The following TTC22 variants were observed in gnomAD, a reference collection of about 807,000 sequenced individuals.
TTC22 encodes the protein tetratricopeptide repeat protein 22.
In TTC22, 42 loss-of-function variants were observed where a neutral mutation model predicts 48.2. The observed-to-expected ratio is 0.87, with a 90% CI of 0.68 to 1.13. TTC22 has a LOEUF of 1.13. Among genes scored for constraint, TTC22 ranks in the 50% most tolerant of loss-of-function variants. The pLI, the probability that TTC22 is intolerant of heterozygous loss-of-function variation, is 0.00. For missense variants in TTC22, 784 were observed against 807.0 expected (o/e 0.97, Z 0.34); for synonymous variants, 345 against 365.5 (o/e 0.94, Z 0.64).
At position 54,781,451 on chromosome 1, in the gene TTC22, A is replaced by T. The variant is rs1342199607; in HGVS notation, c.1502T>A (p.Leu501Gln). The change falls in exon 7 of 7, where the codon CTG becomes CAG. Residue 501 changes from leucine (L) to glutamine (Q), a missense_variant. Physicochemically the swap from Leu to Gln is moderately radical, Grantham distance 113. Transcript: ENST00000371276. ...GELGREVDAW[L>Q]RRAQDKYPAA... Reference sequence around the variant, plus strand: ...GGGGTACTTGTCCTGGGCGCGGCGCAGCCAGGCGTCCACCTCGCGGCCCAG... The same window carrying T: ...GGGGTACTTGTCCTGGGCGCGGCGCTGCCAGGCGTCCACCTCGCGGCCCAG... 13 of 1,450,184 alleles carry T rather than the reference A, an allele frequency of 9.0e-6. No homozygotes were observed. The highest frequency in any genetic ancestry group is 1.1e-5 in the Non-Finnish European group (12 of 1,111,662). 89.8% of individuals were successfully genotyped at this position (1,450,184 alleles called of 1,614,324 possible).
In TTC22 at chr1:54,781,549, G is replaced by A; in HGVS notation, c.1404C>T (p.His468=). The change falls in exon 7 of 7, where the codon CAC becomes CAT. Residue 468 remains histidine, a synonymous_variant. Transcript: ENST00000371276. The part of the protein sequence containing the change: ...AVELDDAGSS[H]TDGFGCLLEA... ...CGAGCAGGCAGCCGAAGCCGTCGGT[G>A]TGGCTGGAGCCCGCGTCGTCCAGCT... The A allele has an allele frequency of 6.6e-7, 1 of 1,518,194 alleles. No homozygotes were observed. The highest frequency in any genetic ancestry group is 8.8e-7 in the Non-Finnish European group (1 of 1,140,166). 94.0% of individuals were successfully genotyped at this position (1,518,194 alleles called of 1,614,324 possible). A position where few individuals can be genotyped will look rare whatever the true frequency, so the allele number is the denominator to read the frequency against.
chr1:54,799,059 G>A (rs1482494262), intron 1 of TTC22, among the ~76,000 whole-genome samples: 5 of 152,212 alleles, frequency 3.3e-5, no homozygotes, highest in Non-Finnish European at 7.3e-5. Flanking sequence ...CTAATCCTCA[G>A]ATGATAAATA....
In TTC22 at chr1:54,800,633, G is replaced by A. The variant is rs149315920; in HGVS notation, c.531C>T (p.Ile177=). ...EERARGLAAG[I]ALYDKALGYG... ...AGCCTAGCGCCTTGTCGTAGAGCGCGATGCCTGCCGCCAGCCCCCGCGCAC... is the reference window on the plus strand; with the variant it reads ...AGCCTAGCGCCTTGTCGTAGAGCGCAATGCCTGCCGCCAGCCCCCGCGCAC... The change falls in exon 1 of 7, where the codon ATC becomes ATT. Residue 177 remains isoleucine (I), a synonymous_variant. Transcript: ENST00000371276. 1.3e-3 allele frequency: 2,096 copies of A among 1,552,902 alleles called. 7 individuals are homozygous for A. In the African/African-American group the frequency reaches 0.016, roughly 12 times the overall value.
chr1:54,781,650 G>GCAGCTCGGGCAGCGTGGCACC lies in TTC22; in HGVS notation c.1282_1302dup (p.Gly428_Leu434dup), dbSNP rs1270416038. The GCAGCTCGGGCAGCGTGGCACC allele has an allele frequency of 3.3e-6, 5 of 1,530,408 alleles. No individual in the cohort carries two copies. In the African/African-American group the frequency reaches 6.9e-5, roughly 21 times the overall value. 94.8% of individuals were successfully genotyped at this position (1,530,408 alleles called of 1,614,324 possible). A position where few individuals can be genotyped will look rare whatever the true frequency, so the allele number is the denominator to read the frequency against. ...CGCAGGCACTTGCCGCGCAGCAGCT[G>GCAGCTCGGGCAGCGTGGCACC]CAGCTCGGGCAGCGTGGCACCCAGC... is the stretch of plus-strand genomic sequence containing the variant. On this transcript the variant is annotated inframe_insertion, in exon 7 of 7. Transcript: ENST00000371276.
Position 54,781,585 on chromosome 1 carries a change from CT to C in TTC22, c.1367del (p.Lys456SerfsTer33). The C allele has an allele frequency of 6.6e-7, 1 of 1,524,200 alleles. No homozygotes were observed. Among genetic ancestry groups the C allele is most frequent in the Non-Finnish European group, 8.8e-7 (1 of 1,142,070 alleles). 94.4% of individuals were successfully genotyped at this position (1,524,200 alleles called of 1,614,324 possible). A position where few individuals can be genotyped will look rare whatever the true frequency, so the allele number is the denominator to read the frequency against. On this transcript the variant is annotated frameshift_variant, in exon 7 of 7. Coordinates refer to ENST00000371276, the MANE Select transcript of TTC22 (RefSeq NM_001114108.2). LOFTEE classifies it high-confidence loss of function. ...GEDANAAACF[K>X]RAVELDDAGS... The stretch of plus-strand genomic sequence containing the variant: ...CCGCGTCGTCCAGCTCCACTGCGCG[CT>C]TGAAGCAGGCGGCCGCGTTGGCGTC...
chr1:54,800,086 A>C (rs765861915), intron 1 of TTC22, among the ~76,000 whole-genome samples: 1 of 152,092 alleles, frequency 6.6e-6, no homozygotes, highest in Non-Finnish European at 1.5e-5. Flanking sequence ...GTACTTTCTG[A>C]GGTCTTGACT....
rs80142453 is a variant in TTC22 at position 54,785,948 on chromosome 1, A to G, written c.1020+35T>C. The G allele has an allele frequency of 1.7e-3, 2,666 of 1,594,912 alleles. 32 individuals carry two copies. The African/African-American group carries it at 0.028, about 17-fold the overall frequency. On this transcript the variant is annotated intron_variant, in intron 5 of 6. Coordinates refer to ENST00000371276, the MANE Select transcript of TTC22 (RefSeq NM_001114108.2). ...TCTGGCCCTTGTTCTCTGATTCCCA[A>G]TGGCAGGGTATGGTGGGGCAGGAAG...
In TTC22 at chr1:54,781,191, G is replaced by A. The variant is rs960410267; in HGVS notation, c.*52C>T. 7.7e-7 allele frequency: 1 copy of A among 1,303,368 alleles called. No homozygotes were observed. Among genetic ancestry groups the A allele is most frequent in the African/African-American group, 1.6e-5 (1 of 63,508 alleles). 80.7% of individuals were successfully genotyped at this position (1,303,368 alleles called of 1,614,324 possible). A position where few individuals can be genotyped will look rare whatever the true frequency, so the allele number is the denominator to read the frequency against. On this transcript the variant is annotated 3_prime_UTR_variant, in exon 7 of 7. Transcript: ENST00000371276. ...CCATCCGGACCTGGTCCCATCAGCT[G>A]GGCGGGGCCTGGGCGGGGTCCCAGG...
At position 54,781,003 on chromosome 1, in the gene TTC22, A is replaced by G; in HGVS notation, c.*240T>C. 2 of 376,776 alleles carry G rather than the reference A, an allele frequency of 5.3e-6. No homozygotes were observed. Among genetic ancestry groups the G allele is most frequent in the South Asian group, 2.3e-4 (2 of 8,790 alleles). 23.3% of individuals were successfully genotyped at this position (376,776 alleles called of 1,614,324 possible). ...TCTGTCCCTTAATTGGCAGCTTCCC[A>G]GTGTTTTCTCACCTCTGCTCCCAGC... On this transcript the variant is annotated 3_prime_UTR_variant, in exon 7 of 7. Transcript: ENST00000371276.
intron 1 of TTC22, among the ~76,000 whole-genome samples, chr1:54,796,201 C>T (rs904618001): frequency 5.3e-5 from 8 of 152,246 alleles, no homozygotes; most frequent in Non-Finnish European, 1.0e-4. Flanking sequence ...CGCGTGCGCA[C>T]GTGTGGACAC....
chr1:54,783,926 C>T (rs1020273929), intron 5 of TTC22, among the ~76,000 whole-genome samples: 2 of 152,178 alleles, frequency 1.3e-5, no homozygotes, highest in Non-Finnish European at 2.9e-5. Context: ...CACTTGATCC[C>T]AGGAGTTCAA....
chr1:54,785,614 C>T (rs756821028), intron 5 of TTC22: 22 of 438,654 alleles, frequency 5.0e-5, no homozygotes, highest in East Asian at 5.0e-4. Flanking sequence ...GAGTTTGAGA[C>T]GAGTCTGGGC....
At chr1:54,797,691 A>G (rs1306752932) in intron 1 of TTC22, among the ~76,000 whole-genome samples, 2 of 152,228 alleles carry the variant, frequency 1.3e-5, no homozygotes, top group African/African-American at 4.8e-5. Flanking sequence ...AGTCACAGGG[A>G]CACACCCCCT....
At chr1:54,790,014 G>C (rs1010814126) in intron 1 of TTC22, among the ~76,000 whole-genome samples, 4 of 152,126 alleles carry the variant, frequency 2.6e-5, no homozygotes, top group Non-Finnish European at 5.9e-5. Context: ...TAATCAGGAG[G>C]GGCCCCTGAG....
Position 54,784,417 on chromosome 1 carries a change from C to T in TTC22, c.1020+1566G>A, listed in dbSNP as rs1646284626. 4 of 377,770 alleles carry T rather than the reference C, an allele frequency of 1.1e-5. No individual in the cohort carries two copies. The South Asian group carries it at 4.2e-4, about 40-fold the overall frequency. The allele number at this position is 377,770 out of a possible 1,614,324, so 23.4% of individuals were successfully genotyped here. A position where few individuals can be genotyped will look rare whatever the true frequency, so the allele number is the denominator to read the frequency against. ...AGGGAGGAGAGTAAAGTTGGAGTTT[C>T]TGATTATTGAATGCAGTTCCTTGGG... On this transcript the variant is annotated intron_variant, in intron 5 of 6. Coordinates refer to ENST00000371276, the MANE Select transcript of TTC22 (RefSeq NM_001114108.2).
In TTC22 at chr1:54,781,535, C is replaced by A; in HGVS notation, c.1418G>T (p.Gly473Val). The change falls in exon 7 of 7, where the codon GGC becomes GTC. Residue 473 changes from glycine to valine, a missense_variant. Coordinates refer to ENST00000371276, the MANE Select transcript of TTC22 (RefSeq NM_001114108.2). ...CGCCAGCAGCGCCTCGAGCAGGCAGCCGAAGCCGTCGGTGTGGCTGGAGCC... is the reference window on the plus strand; with the variant it reads ...CGCCAGCAGCGCCTCGAGCAGGCAGACGAAGCCGTCGGTGTGGCTGGAGCC... ...DAGSSHTDGFGCLLEALLAQW... is the reference protein window; with the variant it reads ...DAGSSHTDGFVCLLEALLAQW... 1 of 1,515,716 alleles carries A rather than the reference C, an allele frequency of 6.6e-7. No homozygotes were observed. The highest frequency in any genetic ancestry group is 1.4e-5 in the African/African-American group (1 of 70,042). The allele number at this position is 1,515,716 out of a possible 1,614,324, so 93.9% of individuals were successfully genotyped here. A position where few individuals can be genotyped will look rare whatever the true frequency, so the allele number is the denominator to read the frequency against.
At position 54,796,033 on chromosome 1, in the gene TTC22, C is replaced by A. The variant is rs927504255; in HGVS notation, c.567+4564G>T. On this transcript the variant is annotated intron_variant, in intron 1 of 6. Transcript: ENST00000371276. The stretch of plus-strand genomic sequence containing the variant: ...AGAATGGGGTTAATGGATTTGCCAG[C>A]ATTTCTGTGATGATCAAATGAGATA... Among the ~76,000 whole-genome samples, 3 of 152,384 alleles carry A rather than the reference C, an allele frequency of 2.0e-5. No homozygotes were observed. The East Asian group carries it at 5.8e-4, about 29-fold the overall frequency.
chr1:54,784,867 G>C (rs1442679362), intron 5 of TTC22: 1 of 1,239,318 alleles, frequency 8.1e-7, no homozygotes, highest in South Asian at 1.3e-5. Context: ...TCTGGGACCA[G>C]TGCGGGAAGC....
rs576983581 is a variant in TTC22, at chr1:54,781,181, C to T, written c.*62G>A. On this transcript the variant is annotated 3_prime_UTR_variant, in exon 7 of 7. Transcript: ENST00000371276. ...GGCAGGGAGTCCATCCGGACCTGGTCCCATCAGCTGGGCGGGGCCTGGGCG... is the reference window on the plus strand; with the variant it reads ...GGCAGGGAGTCCATCCGGACCTGGTTCCATCAGCTGGGCGGGGCCTGGGCG... 3.2e-6 allele frequency: 4 copies of T among 1,231,096 alleles called. No homozygotes were observed. In the East Asian group the frequency reaches 1.3e-4, roughly 40 times the overall value. 76.3% of individuals were successfully genotyped at this position (1,231,096 alleles called of 1,614,324 possible).
Sources: allele counts gnomAD v4.1 joint callset (sites outside exome capture counted in the v4.1 genomes callset), GRCh38; gene constraint gnomAD v4.1.1; transcripts MANE v1.5; gene names NCBI Gene and HGNC (gene_info 2026-07-23, HGNC 2026-07-21).